HK2: variants seen among roughly 807,000 people sequenced by gnomAD.
HK2 encodes the protein hexokinase-2.
Under a neutral mutation model 92.9 loss-of-function variants are expected in HK2, and 42 were observed. The ratio of observed to expected loss-of-function variants is 0.45; its 90% CI spans 0.35 to 0.58. HK2 has a LOEUF of 0.58. Ranked by LOEUF, HK2 falls within the 20% of genes least tolerant of loss-of-function variation. The pLI is 0.00. For synonymous variants in HK2, 422 were observed against 468.0 expected (o/e 0.90, Z 1.27); for missense variants, 978 against 1,245.1 (o/e 0.79, Z 3.23).
Position 74,834,715 on chromosome 2 carries a change from G to C in HK2, c.63+72G>C. The C allele has an allele frequency of 6.6e-7, 1 of 1,516,174 alleles. No homozygotes were observed. Among genetic ancestry groups the C allele is most frequent in the South Asian group, 1.1e-5 (1 of 89,106 alleles). The allele number at this position is 1,516,174 out of a possible 1,614,324, so 93.9% of individuals were successfully genotyped here. On this transcript the variant is annotated intron_variant, in intron 1 of 17. Coordinates refer to ENST00000290573, the MANE Select transcript of HK2 (RefSeq NM_000189.5). The surrounding 1 kb of genome is among the most constrained non-coding windows in gnomAD (Gnocchi z 4.2). ...TCTGGCCTCCATCAGTCTCTTCCTC[G>C]ACCCTGCGGGGACCCGCTTCCTCCC...
Position 74,856,911 on chromosome 2 carries a change from G to C in HK2, c.226+2456G>C, listed in dbSNP as rs28362989. ...TCAACTAAAATTTTTTTGGAACGGAGTTGGGACTGATTGTTTGGACTGTAT... is the reference window on the plus strand; with the variant it reads ...TCAACTAAAATTTTTTTGGAACGGACTTGGGACTGATTGTTTGGACTGTAT... On this transcript the variant is annotated intron_variant, in intron 2 of 17. Coordinates refer to ENST00000290573, the MANE Select transcript of HK2 (RefSeq NM_000189.5). Among the ~76,000 whole-genome samples the C allele has an allele frequency of 1.3e-3, 194 of 152,340 alleles. 1 individual carries two copies. The highest frequency in any genetic ancestry group is 4.4e-3 in the African/African-American group (184 of 41,588).
At chr2:74,847,557 A>G (rs1446831723) in intron 1 of HK2, among the ~76,000 whole-genome samples, 1 of 152,142 alleles carries the variant, frequency 6.6e-6, no homozygotes, top group Non-Finnish European at 1.5e-5. Context: ...ACGAGGGTGC[A>G]TACCTATAGT....
chr2:74,840,487 TTCCTCATTA>T (rs1339185163), intron 1 of HK2, among the ~76,000 whole-genome samples: 3 of 152,032 alleles, frequency 2.0e-5, no homozygotes, highest in Non-Finnish European at 2.9e-5. Context: ...TGATAAGACG[TTCCTCATTA>T]TCATCGTTGA....
At chr2:74,868,813 G>C (rs1055589903) in intron 3 of HK2, among the ~76,000 whole-genome samples, 1 of 152,088 alleles carries the variant, frequency 6.6e-6, no homozygotes, top group African/African-American at 2.4e-5. Context: ...TAAAAGACTT[G>C]TAACGTGATG....
At chr2:74,889,883 C>T (rs571787312) in intron 17 of HK2, among the ~76,000 whole-genome samples, 23 of 152,316 alleles carry the variant, frequency 1.5e-4, no homozygotes, top group Middle Eastern at 3.4e-3. Context: ...TGTTTTGAGA[C>T]GCATCCGCAT....
intron 1 of HK2, among the ~76,000 whole-genome samples, chr2:74,847,752 G>C (rs995104875): frequency 6.6e-5 from 10 of 152,122 alleles, no homozygotes; most frequent in African/African-American, 2.4e-4. Flanking sequence ...GACAGTCAAG[G>C]CAAAAAGGAT....
intron 17 of HK2, among the ~76,000 whole-genome samples, chr2:74,890,371 C>G (rs906609558): frequency 2.0e-5 from 3 of 152,218 alleles, no homozygotes; most frequent in Non-Finnish European, 2.9e-5. Flanking sequence ...TGATATGAGG[C>G]TATGCGCCAG....
In HK2 at chr2:74,881,770, C is replaced by T. The variant is rs267599464; in HGVS notation, c.1630C>T (p.Arg544Cys). The change falls in exon 11 of 18, where the codon CGT (arginine) becomes TGT (cysteine). Residue 544 changes from arginine (R) to cysteine (C), a missense_variant. Arg to Cys is a radical substitution (Grantham distance 180, BLOSUM62 -3). Around this residue, in one of 3 missense-constraint regions of HK2, gnomAD observed 742 missense variants for 922.5 expected, o/e 0.80. Coordinates refer to ENST00000290573, the MANE Select transcript of HK2 (RefSeq NM_000189.5). Reference protein sequence around the residue: ...GGTNFRVLLVRVRNGKWGGVE... With the variant: ...GGTNFRVLLVCVRNGKWGGVE... ...AACAAATTTCCGGGTCCTGCTGGTCCGTGTTCGGAATGGGAAGTGGGGTGG... is the reference window on the plus strand; with the variant it reads ...AACAAATTTCCGGGTCCTGCTGGTCTGTGTTCGGAATGGGAAGTGGGGTGG... 1.4e-5 allele frequency: 22 copies of T among 1,614,056 alleles called. No individual in the cohort carries two copies. The highest frequency in any genetic ancestry group is 2.2e-5 in the East Asian group (1 of 44,882).
Position 74,834,718 on chromosome 2 carries a change from C to T in HK2, c.63+75C>T, listed in dbSNP as rs1688107415. On this transcript the variant is annotated intron_variant, in intron 1 of 17. Transcript: ENST00000290573. This position sits in a 1 kb window ranked among gnomAD's most constrained non-coding sequence, Gnocchi z 4.2. ...GGCCTCCATCAGTCTCTTCCTCGACCCTGCGGGGACCCGCTTCCTCCCTAC... is the reference window on the plus strand; with the variant it reads ...GGCCTCCATCAGTCTCTTCCTCGACTCTGCGGGGACCCGCTTCCTCCCTAC... 2.7e-6 allele frequency: 4 copies of T among 1,491,914 alleles called. No homozygotes were observed. The Admixed American group carries it at 5.0e-5, about 19-fold the overall frequency. 92.4% of individuals were successfully genotyped at this position (1,491,914 alleles called of 1,614,324 possible). A position where few individuals can be genotyped will look rare whatever the true frequency, so the allele number is the denominator to read the frequency against.
intron 2 of HK2, among the ~76,000 whole-genome samples, chr2:74,862,769 C>T (rs188906453): frequency 2.6e-5 from 4 of 152,324 alleles, no homozygotes; most frequent in East Asian, 1.9e-4. Context: ...TTGTGCCAAA[C>T]GCCTTACACT....
chr2:74,844,966 T>A (rs960191021), intron 1 of HK2, among the ~76,000 whole-genome samples: 2 of 152,192 alleles, frequency 1.3e-5, no homozygotes, highest in Non-Finnish European at 2.9e-5. Context: ...AGTATTGAGA[T>A]AGCTGCTGCT....
chr2:74,854,172 A>C (rs1688637409), intron 1 of HK2, 121 bp from the exon 2 acceptor site: 2 of 962,198 alleles, frequency 2.1e-6, no homozygotes, highest in Non-Finnish European at 1.7e-6. Flanking sequence ...GTCTTTAATA[A>C]TAACTTTCTG....
intron 1 of HK2, among the ~76,000 whole-genome samples, chr2:74,843,089 G>A (rs3771791): frequency 0.22 from 32,803 of 152,056 alleles, 4,107 homozygotes; most frequent in Middle Eastern, 0.35. Flanking sequence ...ATCATTTGCA[G>A]TGCCCTGTGC....
At chr2:74,881,208 A>G (rs924698185) in intron 10 of HK2, among the ~76,000 whole-genome samples, 2 of 152,348 alleles carry the variant, frequency 1.3e-5, no homozygotes, top group East Asian at 1.9e-4. Flanking sequence ...CTTTACAGAA[A>G]AAGATTTCTG....
chr2:74,873,256 A>T lies in HK2; in HGVS notation c.496-20A>T, dbSNP rs772522655. On this transcript the variant is annotated intron_variant, in intron 4 of 17. Coordinates refer to ENST00000290573, the MANE Select transcript of HK2 (RefSeq NM_000189.5). ...CAGTTTTAGTGGGAAATCAATATTC[A>T]CTTCTTGGTCCCTTTCCAGAGTTTC... 7.0e-6 allele frequency: 11 copies of T among 1,575,664 alleles called. No homozygotes were observed. The Admixed American group carries it at 1.2e-4, about 17-fold the overall frequency.
chr2:74,891,035 T>A lies in HK2; in HGVS notation c.*94T>A. The A allele has an allele frequency of 6.8e-7, 1 of 1,479,316 alleles. No individual in the cohort carries two copies. The highest frequency in any genetic ancestry group is 9.2e-7 in the Non-Finnish European group (1 of 1,091,064). The allele number at this position is 1,479,316 out of a possible 1,614,324, so 91.6% of individuals were successfully genotyped here. A position where few individuals can be genotyped will look rare whatever the true frequency, so the allele number is the denominator to read the frequency against. On this transcript the variant is annotated 3_prime_UTR_variant, in exon 18 of 18. Coordinates refer to ENST00000290573, the MANE Select transcript of HK2 (RefSeq NM_000189.5). ...CCCCTTGTGTCAGAGACAGACCCCT[T>A]GGCTTTTGCTTGGCAGAGAGGACCC...
At chr2:74,870,146 C>G (rs1206561602) in intron 3 of HK2, among the ~76,000 whole-genome samples, 3 of 151,834 alleles carry the variant, frequency 2.0e-5, no homozygotes, top group African/African-American at 7.3e-5. Context: ...GTAGCTGGGA[C>G]TACAGGTGTG....
chr2:74,835,912 G>T (rs1309240291), intron 1 of HK2, among the ~76,000 whole-genome samples: 1 of 152,152 alleles, frequency 6.6e-6, no homozygotes, highest in Non-Finnish European at 1.5e-5. Context: ...GGTCCCGAGG[G>T]CATAGGAGGC....
rs1272436660 is a variant in HK2 at position 74,872,383 on chromosome 2, C to T, written c.459C>T (p.Thr153=). The T allele has an allele frequency of 1.2e-6, 2 of 1,614,052 alleles. No homozygotes were observed. The highest frequency in any genetic ancestry group is 1.3e-5 in the African/African-American group (1 of 75,034). The change falls in exon 4 of 18, where the codon ACC becomes ACT. Residue 153 remains threonine, a synonymous_variant. Coordinates refer to ENST00000290573, the MANE Select transcript of HK2 (RefSeq NM_000189.5). ...ACAAGAAGCTCCCACTGGGTTTTAC[C>T]TTCTCGTTCCCCTGCCACCAGACTA... ...IKDKKLPLGF[T]FSFPCHQTKL...
Sources: allele counts gnomAD v4.1 joint callset (sites outside exome capture counted in the v4.1 genomes callset), GRCh38; gene constraint gnomAD v4.1.1; regional missense constraint gnomAD v4.1.1; non-coding constraint Gnocchi (gnomAD v3.1); transcripts MANE v1.5; gene names NCBI Gene and HGNC (gene_info 2026-07-23, HGNC 2026-07-21).